Variants in PDLIM4 observed in about 807,000 individuals in gnomAD.
PDLIM4 encodes the protein PDZ and LIM domain 4.
Under a neutral mutation model 31.3 loss-of-function variants are expected in PDLIM4, and 19 were observed. The ratio of observed to expected loss-of-function variants is 0.61; its 90% CI spans 0.42 to 0.89. The LOEUF (loss-of-function observed/expected upper bound fraction) is 0.89, where lower values mean the gene tolerates loss of function less well. Ranked by LOEUF, PDLIM4 falls within the 40% of genes least tolerant of loss-of-function variation. The probability of loss-of-function intolerance (pLI) is 0.00; values close to 1 mark genes in which losing one functional copy is unlikely to be tolerated. For missense variants in PDLIM4, 442 were observed against 461.1 expected (o/e 0.96, Z 0.38); for synonymous variants, 176 against 190.1 (o/e 0.93, Z 0.61).
At chr5:132,268,564 G>A (rs7736102) in intron 3 of PDLIM4, among the ~76,000 whole-genome samples, 67,866 of 152,100 alleles carry the variant, frequency 0.45, 16,343 homozygotes, top group Non-Finnish European at 0.55. Flanking sequence ...ACTTGGCCTA[G>A]CCCAGGGTGG....
At chr5:132,267,349 G>A (rs77574749) in intron 3 of PDLIM4, among the ~76,000 whole-genome samples, 3,138 of 152,304 alleles carry the variant, frequency 0.021, 102 homozygotes, top group African/African-American at 0.071. Flanking sequence ...GAACCAGAGG[G>A]AAGGATGTGC....
Position 132,268,451 on chromosome 5 carries a change from C to T in PDLIM4, c.327+1906C>T, listed in dbSNP as rs115145494. ...CACAAGGTGCCCTGGCACACATCCC[C>T]GAGTGGGATGGGACAGGGCCAGCTG... On this transcript the variant is annotated intron_variant, in intron 3 of 6. Coordinates refer to ENST00000253754, the MANE Select transcript of PDLIM4 (RefSeq NM_003687.4). 5.3e-3 allele frequency among the ~76,000 whole-genome samples: 802 copies of T among 152,302 alleles called. 4 individuals are homozygous for T. The highest frequency in any genetic ancestry group is 0.044 in the Middle Eastern group (13 of 294).
chr5:132,267,800 T>C (rs1756523521), intron 3 of PDLIM4, among the ~76,000 whole-genome samples: 1 of 152,210 alleles, frequency 6.6e-6, no homozygotes, highest in Non-Finnish European at 1.5e-5. Context: ...TTCTCTATCC[T>C]GGACCTCAGC....
intron 1 of PDLIM4, among the ~76,000 whole-genome samples, chr5:132,262,219 C>G (rs1341553116): frequency 6.6e-6 from 1 of 152,082 alleles, no homozygotes; most frequent in Non-Finnish European, 1.5e-5. Context: ...CTGGTTGGGG[C>G]CTTGTCTGTG....
At chr5:132,269,609 C>T (rs1172519678) in intron 3 of PDLIM4, among the ~76,000 whole-genome samples, 2 of 151,900 alleles carry the variant, frequency 1.3e-5, no homozygotes, top group Non-Finnish European at 2.9e-5. Context: ...GGTTCCCACC[C>T]TACAAAAAGC....
intron 3 of PDLIM4, among the ~76,000 whole-genome samples, chr5:132,267,159 G>A (rs1580801294): frequency 6.6e-6 from 1 of 152,188 alleles, no homozygotes; most frequent in African/African-American, 2.4e-5. Flanking sequence ...AGCCAAGTGG[G>A]GATGACTGAG....
chr5:132,268,407 C>T (rs1295219969), intron 3 of PDLIM4, among the ~76,000 whole-genome samples: 1 of 152,184 alleles, frequency 6.6e-6, no homozygotes, highest in African/African-American at 2.4e-5. Flanking sequence ...GAGGAAACCA[C>T]AGTTGGCCCT....
rs373366180 is a variant in PDLIM4, at chr5:132,270,940, G to C, written c.353G>C (p.Arg118Pro). Reference protein sequence around the residue: ...IQDGSPTTSRRPSGTGTGPED... With the variant: ...IQDGSPTTSRPPSGTGTGPED... ...GACGGCAGCCCAACAACCAGCAGGC[G>C]GCCCTCAGGCACCGGGACTGGGCCA... The change falls in exon 4 of 7, where the codon CGG (arginine) becomes CCG (proline). Residue 118 changes from arginine to proline, a missense_variant. By Grantham distance (103) the Arg-to-Pro change is moderately radical (BLOSUM62 -2). Transcript: ENST00000253754. 6.2e-7 allele frequency: 1 copy of C among 1,614,094 alleles called. No individual in the cohort carries two copies. The highest frequency in any genetic ancestry group is 1.3e-5 in the African/African-American group (1 of 75,030).
Position 132,271,385 on chromosome 5 carries a change from C to A in PDLIM4, c.589C>A (p.Pro197Thr). The change falls in exon 5 of 7, where the codon CCA becomes ACA. Residue 197 changes from proline to threonine, a missense_variant. By Grantham distance (38) the Pro-to-Thr change is conservative. Coordinates refer to ENST00000253754, the MANE Select transcript of PDLIM4 (RefSeq NM_003687.4). Reference sequence around the variant, plus strand: ...CGAGGTGTACAGGATGCTGCGGGAGCCAGCCGAGCCCGTGGCCGCGGAGCC... The same window carrying A: ...CGAGGTGTACAGGATGCTGCGGGAGACAGCCGAGCCCGTGGCCGCGGAGCC... Reference protein sequence around the residue: ...GSEVYRMLREPAEPVAAEPKQ... With the variant: ...GSEVYRMLRETAEPVAAEPKQ... The A allele has an allele frequency of 5.0e-6, 8 of 1,607,354 alleles. No individual in the cohort carries two copies. The highest frequency in any genetic ancestry group is 5.9e-6 in the Non-Finnish European group (7 of 1,179,590).
At chr5:132,260,899 A>T (rs1443817034) in intron 1 of PDLIM4, among the ~76,000 whole-genome samples, 1 of 152,214 alleles carries the variant, frequency 6.6e-6, no homozygotes, top group Non-Finnish European at 1.5e-5. Context: ...TGCTTTCAAG[A>T]AACTTCCTCC....
Position 132,271,466 on chromosome 5 carries a change from G to A in PDLIM4, c.670G>A (p.Gly224Arg), listed in dbSNP as rs766737910. Residue 224 changes from glycine (G) to arginine (R), a missense_variant and splice_region_variant, in exon 5 of 7, where the codon GGG becomes AGG. Physicochemically the swap from Gly to Arg is moderately radical, Grantham distance 125. Coordinates refer to ENST00000253754, the MANE Select transcript of PDLIM4 (RefSeq NM_003687.4). ...LQGMLEAGEG[G>R]DWPGPGGPRN... Reference sequence around the variant, plus strand: ...GGGCATGCTAGAGGCCGGCGAGGGCGGTAAGACGCCTGCCACCTGTCCCCA... The same window carrying A: ...GGGCATGCTAGAGGCCGGCGAGGGCAGTAAGACGCCTGCCACCTGTCCCCA... 1.2e-6 allele frequency: 2 copies of A among 1,607,732 alleles called. No homozygotes were observed. Among genetic ancestry groups the A allele is most frequent in the Non-Finnish European group, 1.7e-6 (2 of 1,179,844 alleles).
At chr5:132,259,032 GAGGCTTCCC>G (rs1733226340) in intron 1 of PDLIM4, among the ~76,000 whole-genome samples, 2 of 152,278 alleles carry the variant, frequency 1.3e-5, no homozygotes, top group South Asian at 4.1e-4. Context: ...GCTGTCCTAG[GAGGCTTCCC>G]ACATCTGCCC....
chr5:132,272,901 C>T lies in PDLIM4; in HGVS notation c.*672C>T, dbSNP rs1756662536. On this transcript the variant is annotated 3_prime_UTR_variant, in exon 7 of 7. Transcript: ENST00000253754. ...TCTCCTCCGAGACCCCCTTTTCTTC[C>T]CCTTCCTCTCTCCCCCACCAGGGGG... 6.5e-6 allele frequency: 1 copy of T among 152,714 alleles called. No homozygotes were observed. The highest frequency in any genetic ancestry group is 2.4e-5 in the African/African-American group (1 of 41,410). The allele number at this position is 152,714 out of a possible 1,614,324, so 9.5% of individuals were successfully genotyped here. A position where few individuals can be genotyped will look rare whatever the true frequency, so the allele number is the denominator to read the frequency against.
At position 132,271,935 on chromosome 5, in the gene PDLIM4, C is replaced by G. The variant is rs777973438; in HGVS notation, c.788+27C>G. 3 of 1,594,880 alleles carry G rather than the reference C, an allele frequency of 1.9e-6. No homozygotes were observed. In the African/African-American group the frequency reaches 4.0e-5, roughly 21 times the overall value. On this transcript the variant is annotated intron_variant, in intron 6 of 6. Transcript: ENST00000253754. ...TGAGTAACCGCCCCCGCTGCCCCTC[C>G]CGGACCCTAGCCTTCCAGGGCCCTG...
chr5:132,268,909 G>A (rs1438490116), intron 3 of PDLIM4, among the ~76,000 whole-genome samples: 2 of 152,180 alleles, frequency 1.3e-5, no homozygotes, highest in African/African-American at 4.8e-5. Flanking sequence ...GGTACGAGGT[G>A]TACCACCCAC....
rs1580805660 is a variant in PDLIM4 at position 132,272,454 on chromosome 5, A to G, written c.*225A>G. On this transcript the variant is annotated 3_prime_UTR_variant, in exon 7 of 7. Transcript: ENST00000253754. ...TGCAGTAGTGAGCAGGACGGGTACCATGCTGCCCTGAAGGGGGCCACAGCC... is the reference window on the plus strand; with the variant it reads ...TGCAGTAGTGAGCAGGACGGGTACCGTGCTGCCCTGAAGGGGGCCACAGCC... 1.7e-6 allele frequency: 1 copy of G among 575,034 alleles called. No individual in the cohort carries two copies. Among genetic ancestry groups the G allele is most frequent in the African/African-American group, 1.9e-5 (1 of 53,544 alleles). 35.6% of individuals were successfully genotyped at this position (575,034 alleles called of 1,614,324 possible).
intron 3 of PDLIM4, among the ~76,000 whole-genome samples, chr5:132,267,762 G>T (rs1045306007): frequency 1.3e-5 from 2 of 152,184 alleles, no homozygotes; most frequent in African/African-American, 4.8e-5. Flanking sequence ...TGAGGTGGTG[G>T]AGCAGGGCCA....
In PDLIM4 at chr5:132,271,422, G is replaced by C. The variant is rs1369346045; in HGVS notation, c.626G>C (p.Gly209Ala). 1.9e-6 allele frequency: 3 copies of C among 1,608,930 alleles called. No homozygotes were observed. The highest frequency in any genetic ancestry group is 1.7e-5 in the Admixed American group (1 of 60,018). ...EPVAAEPKQS[G>A]SFRYLQGMLE... ...GTGGCCGCGGAGCCCAAGCAGTCAGGCTCCTTCCGCTACTTGCAGGGCATG... is the reference window on the plus strand; with the variant it reads ...GTGGCCGCGGAGCCCAAGCAGTCAGCCTCCTTCCGCTACTTGCAGGGCATG... The change falls in exon 5 of 7, where the codon GGC (glycine) becomes GCC (alanine). Residue 209 changes from glycine to alanine, a missense_variant. By Grantham distance (60) the Gly-to-Ala change is moderately conservative (BLOSUM62 0). Coordinates refer to ENST00000253754, the MANE Select transcript of PDLIM4 (RefSeq NM_003687.4).
chr5:132,265,688 A>T (rs1409069438), intron 2 of PDLIM4, among the ~76,000 whole-genome samples: 1 of 152,188 alleles, frequency 6.6e-6, no homozygotes, highest in Non-Finnish European at 1.5e-5. Context: ...GTTGGAGGGC[A>T]TTATTCCCCT....
Sources: allele counts gnomAD v4.1 joint callset (sites outside exome capture counted in the v4.1 genomes callset), GRCh38; gene constraint gnomAD v4.1.1; transcripts MANE v1.5; gene names NCBI Gene and HGNC (gene_info 2026-07-23, HGNC 2026-07-21).